VWDE: variants seen among roughly 807,000 people sequenced by gnomAD.
VWDE encodes the protein von Willebrand factor D and EGF domain-containing protein.
A neutral mutation model predicts 178.4 loss-of-function variants in VWDE; 207 were observed. The observed-to-expected ratio is 1.16, with a 90% CI of 1.04 to 1.30. VWDE has a LOEUF of 1.30. VWDE is among the 50% of genes most tolerant of loss of function. VWDE has a pLI of 0.00. For missense variants in VWDE, 2,287 were observed against 1,901.3 expected (o/e 1.20, Z -3.77); for synonymous variants, 738 against 651.4 (o/e 1.13, Z -2.02).
intron 19 of VWDE, 104 bp from the exon 20 acceptor site, chr7:12,344,573 G>T (rs2128547609): frequency 1.2e-6 from 1 of 825,454 alleles, no homozygotes; most frequent in Non-Finnish European, 1.9e-6. Context: ...AGTTTGAATA[G>T]TTAACTAATA....
chr7:12,379,821 G>C (rs1562506266), intron 5 of VWDE, among the ~76,000 whole-genome samples: 1 of 152,124 alleles, frequency 6.6e-6, no homozygotes, highest in Non-Finnish European at 1.5e-5. Flanking sequence ...AAGGCCGGGT[G>C]CGGTGGCTCA....
chr7:12,373,780 G>C (rs1223081965), intron 9 of VWDE, among the ~76,000 whole-genome samples: 1 of 151,970 alleles, frequency 6.6e-6, no homozygotes, highest in Non-Finnish European at 1.5e-5. Context: ...TTTTCACCTA[G>C]TTGTTGCGTA....
At chr7:12,373,944 G>T (rs956535030) in intron 9 of VWDE, among the ~76,000 whole-genome samples, 5 of 152,010 alleles carry the variant, frequency 3.3e-5, no homozygotes, top group African/African-American at 1.2e-4. Context: ...GACACCATTG[G>T]AGTATAACTC....
intron 4 of VWDE, 98 bp from the exon 5 acceptor site, chr7:12,380,831 T>G: frequency 7.4e-7 from 1 of 1,359,788 alleles, no homozygotes; most frequent in Non-Finnish European, 9.8e-7. Context: ...TGGTTTATCT[T>G]AAGAAAAAGC....
At chr7:12,370,924 A>G in intron 10 of VWDE, 60 bp from the exon 11 acceptor site, 1 of 1,240,668 alleles carries the variant, frequency 8.1e-7, no homozygotes, top group Non-Finnish European at 1.1e-6. Context: ...AACCTGGATT[A>G]AGAAAAATCT....
At chr7:12,388,186 T>A (rs986735306) in intron 3 of VWDE, among the ~76,000 whole-genome samples, 6 of 152,308 alleles carry the variant, frequency 3.9e-5, no homozygotes, top group African/African-American at 1.4e-4. Context: ...TAGTGTGTTC[T>A]TTAATTTGAG....
At chr7:12,377,557 T>C (rs998313098) in intron 7 of VWDE, 2 of 345,372 alleles carry the variant, frequency 5.8e-6, no homozygotes, top group African/African-American at 2.1e-5. Flanking sequence ...ATTTTTTTTC[T>C]TTTTTTAAAA....
chr7:12,339,997 G>C (rs951705684), intron 24 of VWDE, among the ~76,000 whole-genome samples: 1 of 152,086 alleles, frequency 6.6e-6, no homozygotes, highest in African/African-American at 2.4e-5. Flanking sequence ...CATTTTTGCT[G>C]TGTAGGCAAC....
At chr7:12,383,379 AAG>A in intron 4 of VWDE, among the ~76,000 whole-genome samples, 155 bp downstream of exon 4, 1 of 152,124 alleles carries the variant, frequency 6.6e-6, no homozygotes, top group South Asian at 2.1e-4. Flanking sequence ...CTATTTCTTA[AAG>A]GCACGATAAA....
intron 28 of VWDE, among the ~76,000 whole-genome samples, chr7:12,332,532 A>C (rs1416798081): frequency 6.6e-6 from 1 of 152,192 alleles, no homozygotes; most frequent in Non-Finnish European, 1.5e-5. Flanking sequence ...TTTCTGTGCC[A>C]TAAAAATCTC....
At chr7:12,360,873 A>C (rs1345575615) in intron 15 of VWDE, among the ~76,000 whole-genome samples, 1 of 152,206 alleles carries the variant, frequency 6.6e-6, no homozygotes, top group African/African-American at 2.4e-5. Flanking sequence ...TACTGAAAAA[A>C]CAATGTAGGT....
rs142256688 is a variant in VWDE, at chr7:12,360,582, T to C, written c.3159+565A>G. On this transcript the variant is annotated intron_variant, in intron 15 of 28. Transcript: ENST00000275358. ...TCAGCTTTGAGGAGTCAAGTGTCTC[T>C]TAAGTCAGCAGTTCACATGTGAGAC... 9.8e-3 allele frequency among the ~76,000 whole-genome samples: 1,493 copies of C among 152,238 alleles called. 72 individuals are homozygous for C. Among genetic ancestry groups the C allele is most frequent in the Admixed American group, 0.085 (1,298 of 15,272 alleles).
At chr7:12,397,056 GA>G (rs954380602) in intron 1 of VWDE, among the ~76,000 whole-genome samples, 195 of 146,970 alleles carry the variant, frequency 1.3e-3, no homozygotes, top group African/African-American at 4.4e-3. Flanking sequence ...TACAAAATTA[GA>G]AAAAAAAAAC....
At chr7:12,373,989 T>G (rs1783363654) in intron 9 of VWDE, among the ~76,000 whole-genome samples, 1 of 152,158 alleles carries the variant, frequency 6.6e-6, no homozygotes, top group Admixed American at 6.6e-5. Flanking sequence ...TGAATAATTT[T>G]ACTGACAATT....
chr7:12,349,809 A>G (rs1176818186), intron 19 of VWDE, among the ~76,000 whole-genome samples: 1 of 152,096 alleles, frequency 6.6e-6, no homozygotes, highest in Non-Finnish European at 1.5e-5. Context: ...AGATACAACT[A>G]AACAACTTTG....
At chr7:12,359,527 T>C in intron 16 of VWDE, 51 bp downstream of exon 16, 1 of 1,317,198 alleles carries the variant, frequency 7.6e-7, no homozygotes, top group Non-Finnish European at 1.1e-6. Context: ...TGAAAACCAC[T>C]TTTAAAATGT....
At position 12,337,071 on chromosome 7, in the gene VWDE, G is replaced by A; in HGVS notation, c.4475C>T (p.Pro1492Leu). Residue 1492 changes from proline (P) to leucine (L), a missense_variant, in exon 26 of 29, where the codon CCT (proline) becomes CTT (leucine). By Grantham distance (98) the Pro-to-Leu change is moderately conservative. Coordinates refer to ENST00000275358, the MANE Select transcript of VWDE (RefSeq NM_001135924.3). ...ACATTTTCCTCCATTCATGCACGTA[G>A]GATCACAGATGCCTTAAGGTAAAAG... ...GRRFQKSICD[P>L]TCMNGGKCVG... 1.3e-6 allele frequency: 2 copies of A among 1,551,586 alleles called. No individual in the cohort carries two copies. The highest frequency in any genetic ancestry group is 1.7e-6 in the Non-Finnish European group (2 of 1,146,926).
intron 28 of VWDE, among the ~76,000 whole-genome samples, chr7:12,332,233 G>A (rs371119851): frequency 6.6e-6 from 1 of 152,138 alleles, no homozygotes; most frequent in South Asian, 2.1e-4. Context: ...GCCAGAATGA[G>A]ATTGAAGTTA....
At chr7:12,389,038 G>A (rs186844174) in intron 3 of VWDE, 89 bp downstream of exon 3, 22 of 924,618 alleles carry the variant, frequency 2.4e-5, no homozygotes, top group African/African-American at 2.0e-4. Context: ...ACTGAGATTT[G>A]CACTAACTCA....
Sources: gnomAD v4.1 joint callset for allele counts (sites outside exome capture counted in the v4.1 genomes callset) on GRCh38, gnomAD v4.1.1 for gene constraint, MANE v1.5 for transcripts, NCBI Gene and HGNC (gene_info 2026-07-23, HGNC 2026-07-21) for gene names.